ZZZ3: variants seen among roughly 807,000 people sequenced by gnomAD.
The protein encoded by ZZZ3 is zinc finger ZZ-type containing 3.
Under a neutral mutation model 95.2 loss-of-function variants are expected in ZZZ3, and 22 were observed. The observed-to-expected ratio is 0.23, with a 90% confidence interval of 0.17 to 0.33. The LOEUF (loss-of-function observed/expected upper bound fraction) is 0.33, where lower values mean the gene tolerates loss of function less well. ZZZ3 is among the 10% of genes least tolerant of loss of function. The pLI, the probability that ZZZ3 is intolerant of heterozygous loss-of-function variation, is 1.00. For missense variants in ZZZ3, 885 were observed against 1,066.5 expected (o/e 0.83, Z 2.37); for synonymous variants, 335 against 358.9 (o/e 0.93, Z 0.75).
intron 12 of ZZZ3, among the ~76,000 whole-genome samples, chr1:77,569,408 C>A (rs1661145906): frequency 6.6e-6 from 1 of 152,148 alleles, no homozygotes; most frequent in Non-Finnish European, 1.5e-5. Context: ...GGTATAAAGT[C>A]TATTTATGAT....
chr1:77,577,383 G>T (rs1365351238), intron 11 of ZZZ3, among the ~76,000 whole-genome samples: 1 of 152,078 alleles, frequency 6.6e-6, no homozygotes, highest in Non-Finnish European at 1.5e-5. Context: ...TTAAACACAG[G>T]TTAATGTAAG....
chr1:77,655,113 C>T (rs1217390270), intron 1 of ZZZ3, among the ~76,000 whole-genome samples: 1 of 152,168 alleles, frequency 6.6e-6, no homozygotes, highest in Non-Finnish European at 1.5e-5. Context: ...GCTCAGGTCT[C>T]TCTTCTTCTT....
chr1:77,599,051 A>C (rs1001467765), intron 5 of ZZZ3, among the ~76,000 whole-genome samples: 8 of 152,164 alleles, frequency 5.3e-5, no homozygotes, highest in African/African-American at 1.7e-4. Flanking sequence ...CCTTCAATTT[A>C]GTAATGGTAG....
chr1:77,584,453 C>A (rs1365111293), intron 6 of ZZZ3, 64 bp downstream of exon 6: 2 of 1,493,200 alleles, frequency 1.3e-6, no homozygotes, highest in African/African-American at 2.8e-5. Flanking sequence ...AAAGAATTAA[C>A]CAAATTCTCT....
intron 1 of ZZZ3, among the ~76,000 whole-genome samples, chr1:77,664,577 A>G (rs1409419206): frequency 1.3e-5 from 2 of 152,136 alleles, no homozygotes; most frequent in African/African-American, 2.4e-5. Context: ...TCTGAATTCC[A>G]TATTTTTTTA....
chr1:77,672,085 T>C (rs1468394564), intron 1 of ZZZ3, among the ~76,000 whole-genome samples: 1 of 152,210 alleles, frequency 6.6e-6, no homozygotes, highest in Non-Finnish European at 1.5e-5. Context: ...ATTGTTTATT[T>C]CTTGAATTTC....
rs950800692 is a variant in ZZZ3, at chr1:77,621,660, T to C, written c.1505+10190A>G. On this transcript the variant is annotated intron_variant, in intron 5 of 14. Transcript: ENST00000370801. ...ACAAAACCCCATCTCTACAAGAAAATATAAAAATTAGCCACGTGTGGTGGT... is the reference window on the plus strand; with the variant it reads ...ACAAAACCCCATCTCTACAAGAAAACATAAAAATTAGCCACGTGTGGTGGT... 9.4e-5 allele frequency among the ~76,000 whole-genome samples: 14 copies of C among 149,104 alleles called. No homozygotes were observed. The East Asian group carries it at 2.6e-3, about 28-fold the overall frequency.
intron 5 of ZZZ3, among the ~76,000 whole-genome samples, chr1:77,600,883 T>C (rs1000515574): frequency 1.3e-5 from 2 of 152,208 alleles, no homozygotes; most frequent in Non-Finnish European, 2.9e-5. Flanking sequence ...CAGTGCTCTA[T>C]AAAACCAAGA....
At chr1:77,576,375 C>T (rs1475939199) in intron 11 of ZZZ3, among the ~76,000 whole-genome samples, 155 bp from the exon 12 acceptor site, 3 of 151,984 alleles carry the variant, frequency 2.0e-5, no homozygotes, top group East Asian at 1.9e-4. Context: ...CTGTTTTCTG[C>T]GTTTTTAAAG....
chr1:77,576,200 C>T lies in ZZZ3; in HGVS notation c.2199G>A (p.Gln733=), dbSNP rs185518633. ...YSKKSSTSRR[Q]HPLNKHLFKP... is the part of the protein sequence containing the mutation. ...TAAAGAGATGCTTATTAAGAGGGTG[C>T]TGTCGTCTGCTTGTTGAAGACTAAG... Residue 733 remains glutamine (Q), a synonymous_variant, in exon 12 of 15, where the codon CAG becomes CAA. Coordinates refer to ENST00000370801, the MANE Select transcript of ZZZ3 (RefSeq NM_015534.6). 3 of 1,600,542 alleles carry T rather than the reference C, an allele frequency of 1.9e-6. No individual in the cohort carries two copies. The highest frequency in any genetic ancestry group is 4.5e-5 in the East Asian group (2 of 44,634).
At position 77,627,281 on chromosome 1, in the gene ZZZ3, C is replaced by G. The variant is rs546618757; in HGVS notation, c.1505+4569G>C. On this transcript the variant is annotated intron_variant, in intron 5 of 14. Transcript: ENST00000370801. ...TAACGGTGCCTATCCTGTCTACTTT[C>G]AAACTGTCATGATAGTCAAATGAGA... Among the ~76,000 whole-genome samples the G allele has an allele frequency of 3.3e-5, 5 of 152,288 alleles. No individual in the cohort carries two copies. The South Asian group carries it at 1.0e-3, about 32-fold the overall frequency.
chr1:77,652,882 T>C (rs1350813870), intron 1 of ZZZ3, among the ~76,000 whole-genome samples: 3 of 152,194 alleles, frequency 2.0e-5, no homozygotes, highest in Admixed American at 2.0e-4. Context: ...TTCCCATTTA[T>C]ATAAAATACC....
intron 1 of ZZZ3, among the ~76,000 whole-genome samples, chr1:77,663,752 A>AT (rs778252990): frequency 0.012 from 1,668 of 142,514 alleles, 25 homozygotes; most frequent in African/African-American, 0.032. Context: ...AGTAAACCCT[A>AT]TTTTTTTTTT....
At chr1:77,625,507 A>G (rs777057386) in intron 5 of ZZZ3, among the ~76,000 whole-genome samples, 30 of 152,324 alleles carry the variant, frequency 2.0e-4, no homozygotes, top group Non-Finnish European at 4.0e-4. Context: ...GAAAGCCAAC[A>G]AAAATGAAGA....
At chr1:77,661,271 G>A (rs1670757625) in intron 1 of ZZZ3, among the ~76,000 whole-genome samples, 2 of 152,030 alleles carry the variant, frequency 1.3e-5, no homozygotes, top group South Asian at 4.1e-4. Context: ...AAATTAGCCA[G>A]GCAGAGTGTC....
chr1:77,632,301 G>C lies in ZZZ3; in HGVS notation c.1054C>G (p.Pro352Ala), dbSNP rs1490089031. ...SLESMPASGEPEPSPVLDCVS... is the reference protein window; with the variant it reads ...SLESMPASGEAEPSPVLDCVS... ...CAGTCTAGAACAGGAGATGGTTCAG[G>C]TTCTCCGGAGGCTGGCATACTCTCA... Residue 352 changes from proline to alanine, a missense_variant, in exon 5 of 15, where the codon CCT becomes GCT. Physicochemically the swap from Pro to Ala is conservative, Grantham distance 27. Coordinates refer to ENST00000370801, the MANE Select transcript of ZZZ3 (RefSeq NM_015534.6). 3 of 1,613,976 alleles carry C rather than the reference G, an allele frequency of 1.9e-6. No homozygotes were observed. Among genetic ancestry groups the C allele is most frequent in the Non-Finnish European group, 2.5e-6 (3 of 1,180,028 alleles).
chr1:77,635,291 A>C (rs1433440379), intron 4 of ZZZ3, among the ~76,000 whole-genome samples: 1 of 152,168 alleles, frequency 6.6e-6, no homozygotes, highest in Non-Finnish European at 1.5e-5. Context: ...TTAATTAACA[A>C]TTTTTTTAAA....
chr1:77,666,666 A>C (rs1671278587), intron 1 of ZZZ3, among the ~76,000 whole-genome samples: 1 of 152,232 alleles, frequency 6.6e-6, no homozygotes, highest in Admixed American at 6.5e-5. Context: ...TGAACTAGGC[A>C]TCATTCCAGG....
intron 5 of ZZZ3, among the ~76,000 whole-genome samples, chr1:77,612,009 GAAAC>G (rs1557724967): frequency 6.6e-6 from 1 of 151,800 alleles, no homozygotes; most frequent in Non-Finnish European, 1.5e-5. Flanking sequence ...CGTGGCAAAG[GAAAC>G]AAACAACAAA....
Sources: gnomAD v4.1 joint callset for allele counts (sites outside exome capture counted in the v4.1 genomes callset) on GRCh38, gnomAD v4.1.1 for gene constraint, MANE v1.5 for transcripts, NCBI Gene and HGNC (gene_info 2026-07-23, HGNC 2026-07-21) for gene names.